RECQL5: variants seen among roughly 807,000 people sequenced by gnomAD.
The protein encoded by RECQL5 is ATP-dependent DNA helicase Q5.
Under a neutral mutation model 103.4 loss-of-function variants are expected in RECQL5, and 88 were observed. The ratio of observed to expected loss-of-function variants is 0.85; its 90% CI spans 0.72 to 1.02. The LOEUF (loss-of-function observed/expected upper bound fraction) is 1.02. RECQL5 is among the 50% of genes least tolerant of loss of function. The pLI is 0.00. For synonymous variants in RECQL5, 552 were observed against 507.9 expected (o/e 1.09, Z -1.17); for missense variants, 1,232 against 1,284.3 (o/e 0.96, Z 0.62).
intron 8 of RECQL5, chr17:75,634,228 G>A (rs996016231): frequency 3.0e-6 from 3 of 985,468 alleles, no homozygotes; most frequent in East Asian, 2.3e-4. Flanking sequence ...CACAGAAGAA[G>A]GGGGGACAGG....
chr17:75,658,753 G>A (rs184240747), intron 6 of RECQL5, among the ~76,000 whole-genome samples: 4 of 152,284 alleles, frequency 2.6e-5, no homozygotes, highest in Admixed American at 1.3e-4. Flanking sequence ...GAAACAAAAT[G>A]AGGCTCTGCC....
intron 8 of RECQL5, among the ~76,000 whole-genome samples, chr17:75,645,571 T>C (rs2059479111): frequency 6.6e-6 from 1 of 152,236 alleles, no homozygotes; most frequent in African/African-American, 2.4e-5. Context: ...TTGATAAGCA[T>C]CTGACTTAAC....
At position 75,667,049 on chromosome 17, in the gene RECQL5, C is replaced by T; in HGVS notation, c.-20G>A. ...CTCTCTTCACCCTAAGATATCAGAACCGGCCGTGGTCCGCCCAAGAATTAA... is the reference window on the plus strand; with the variant it reads ...CTCTCTTCACCCTAAGATATCAGAATCGGCCGTGGTCCGCCCAAGAATTAA... On this transcript the variant is annotated 5_prime_UTR_variant, in exon 1 of 20. Coordinates refer to ENST00000317905, the MANE Select transcript of RECQL5 (RefSeq NM_004259.7). 3.0e-6 allele frequency: 1 copy of T among 332,630 alleles called. No individual in the cohort carries two copies. Among genetic ancestry groups the T allele is most frequent in the South Asian group, 3.0e-5 (1 of 32,928 alleles). 20.6% of individuals were successfully genotyped at this position (332,630 alleles called of 1,614,324 possible).
intron 7 of RECQL5, among the ~76,000 whole-genome samples, chr17:75,655,675 T>A (rs747838598): frequency 4.0e-5 from 6 of 151,870 alleles, no homozygotes; most frequent in East Asian, 1.9e-4. Context: ...TTTTAATTTT[T>A]ATTTTTATTT....
At chr17:75,653,232 AC>A (rs1013269843) in intron 7 of RECQL5, among the ~76,000 whole-genome samples, 10 of 152,220 alleles carry the variant, frequency 6.6e-5, no homozygotes, top group Non-Finnish European at 1.3e-4. Flanking sequence ...AGACCTCTGC[AC>A]CCTTATCCAA....
In RECQL5 at chr17:75,631,212, T is replaced by G; in HGVS notation, c.1486A>C (p.Arg496=). The G allele has an allele frequency of 6.2e-7, 1 of 1,613,966 alleles. No homozygotes were observed. The highest frequency in any genetic ancestry group is 1.1e-5 in the South Asian group (1 of 91,092). Residue 496 remains arginine, a synonymous_variant, in exon 10 of 20, where the codon AGA becomes CGA. Transcript: ENST00000317905. Reference sequence around the variant, plus strand: ...CACTCCCGCTTGTGGGCCTCATCTCTGCCTTCATCCCCGCTGCCTCCAGAA... The same window carrying G: ...CACTCCCGCTTGTGGGCCTCATCTCGGCCTTCATCCCCGCTGCCTCCAGAA... ...EGSGGSGDEG[R]DEAHKREWNL... is the part of the protein sequence containing the mutation.
In RECQL5 at chr17:75,627,492, T is replaced by G. The variant is rs769855620; in HGVS notation, c.2906A>C (p.His969Pro). 1.2e-6 allele frequency: 2 copies of G among 1,613,830 alleles called. No homozygotes were observed. Among genetic ancestry groups the G allele is most frequent in the African/African-American group, 1.3e-5 (1 of 75,042 alleles). Reference sequence around the variant, plus strand: ...GCACCGGGCCCGGCCATGGAAGAAGTGCCTGATGAGGTTCTGGGCCTCTTC... The same window carrying G: ...GCACCGGGCCCGGCCATGGAAGAAGGGCCTGATGAGGTTCTGGGCCTCTTC... ...VKEEAQNLIR[H>P]FFHGRARCES... Residue 969 changes from histidine to proline, a missense_variant, in exon 20 of 20, where the codon CAC becomes CCC. His to Pro is a moderately conservative substitution (Grantham distance 77). Transcript: ENST00000317905.
At chr17:75,651,121 G>T (rs2059549937) in intron 8 of RECQL5, 65 bp downstream of exon 8, 1 of 1,613,274 alleles carries the variant, frequency 6.2e-7, no homozygotes, top group South Asian at 1.1e-5. Context: ...TGCTTAACTA[G>T]GGCGTGCCGG....
rs773790672 is a variant in RECQL5, at chr17:75,629,040, G to A, written c.2383C>T (p.Gln795Ter). ...TTCTCTGGGGCCATCGGGGGTCCCT[G>A]AACCCCCTCACAGGAGGGGCAGGCA... ...EGACPSCEGV[Q>*]GPPMAPEKYT... Residue 795 changes from glutamine (Q) to a stop codon, truncating the protein, a stop_gained, in exon 16 of 20, where the codon CAG becomes TAG. Coordinates refer to ENST00000317905, the MANE Select transcript of RECQL5 (RefSeq NM_004259.7). LOFTEE classifies it high-confidence loss of function. The A allele has an allele frequency of 5.0e-6, 8 of 1,594,568 alleles. No individual in the cohort carries two copies. The highest frequency in any genetic ancestry group is 3.5e-5 in the Admixed American group (2 of 56,798).
intron 8 of RECQL5, chr17:75,650,111 C>G (rs1724427143): frequency 1.0e-6 from 1 of 985,880 alleles, no homozygotes; most frequent in Non-Finnish European, 1.2e-6. Flanking sequence ...AATAAGAGCT[C>G]TGCTCAAGAA....
At chr17:75,650,378 G>A (rs141581755) in intron 8 of RECQL5, 93 of 1,179,532 alleles carry the variant, frequency 7.9e-5, no homozygotes, top group Admixed American at 2.7e-4. Context: ...TGATTTCCTC[G>A]CTTTTTTCTT....
At position 75,628,319 on chromosome 17, in the gene RECQL5, G is replaced by C. The variant is rs2059141258; in HGVS notation, c.2704C>G (p.Pro902Ala). ...ACGCCAGGAGCGGAGAGCTGGAAGG[G>C]GTCTTGAGCCGTGGGATTCAAGGTG... The part of the protein sequence containing the change: ...QGTLNPTAQD[P>A]FQLSAPGVSL... Residue 902 changes from proline to alanine, a missense_variant, in exon 18 of 20, where the codon CCC (proline) becomes GCC (alanine). Pro to Ala is a conservative substitution (Grantham distance 27). Transcript: ENST00000317905. The C allele has an allele frequency of 1.2e-6, 2 of 1,614,028 alleles. No individual in the cohort carries two copies. Among genetic ancestry groups the C allele is most frequent in the African/African-American group, 1.3e-5 (1 of 74,916 alleles).
At chr17:75,658,130 T>G (rs958389046) in intron 7 of RECQL5, among the ~76,000 whole-genome samples, 168 bp downstream of exon 7, 5 of 152,176 alleles carry the variant, frequency 3.3e-5, no homozygotes, top group Admixed American at 3.3e-4. Context: ...TAACCTAGCT[T>G]GTTGTAAGCT....
intron 8 of RECQL5, chr17:75,648,890 G>C (rs1347015639): frequency 6.7e-6 from 1 of 149,746 alleles, no homozygotes; most frequent in Non-Finnish European, 1.5e-5. Flanking sequence ...ACAGGGTCTT[G>C]CCATGTTGCC....
chr17:75,629,258 T>C lies in RECQL5; in HGVS notation c.2165A>G (p.His722Arg), dbSNP rs1401619920. ...PRGEVPGGSA[H>R]YGGPSPEKKA... The stretch of plus-strand genomic sequence containing the variant: ...CTTCTCAGGGGAGGGCCCCCCATAG[T>C]GAGCGCTGCCTCCAGGGACCTCCCC... Residue 722 changes from histidine to arginine, a missense_variant, in exon 16 of 20, where the codon CAC (histidine) becomes CGC (arginine). Physicochemically the swap from His to Arg is conservative, Grantham distance 29. Transcript: ENST00000317905. The C allele has an allele frequency of 4.3e-6, 7 of 1,610,896 alleles. No individual in the cohort carries two copies. The South Asian group carries it at 7.7e-5, about 18-fold the overall frequency.
rs2059213817 is a variant in RECQL5, at chr17:75,631,509, C to T, written c.1389G>A (p.Gly463=). 1 of 1,613,266 alleles carries T rather than the reference C, an allele frequency of 6.2e-7. No individual in the cohort carries two copies. Residue 463 remains glycine (G), a synonymous_variant, in exon 9 of 20, where the codon GGG becomes GGA. Transcript: ENST00000317905. ...CATACAGCTCGGGGTCAAAGCCGTT[C>T]CCCTGGGAGGGCCCGATGCAGGTCT... ...WSKTCIGPSQ[G]NGFDPELYEG... is the part of the protein sequence containing the mutation.
intron 8 of RECQL5, chr17:75,637,243 G>C (rs940992854): frequency 6.6e-6 from 1 of 152,460 alleles, no homozygotes; most frequent in Non-Finnish European, 1.5e-5. Context: ...TGTGGCACAA[G>C]CGAAAAAGCT....
chr17:75,649,584 G>A (rs2059529704), intron 8 of RECQL5: 2 of 970,750 alleles, frequency 2.1e-6, no homozygotes, highest in East Asian at 1.1e-4. Flanking sequence ...AGGCTGCTTC[G>A]ACCTCAGCCT....
chr17:75,664,082 G>C (rs886917608), intron 3 of RECQL5, among the ~76,000 whole-genome samples: 2 of 143,868 alleles, frequency 1.4e-5, no homozygotes, highest in Non-Finnish European at 3.1e-5. Flanking sequence ...AAGAAAGAAA[G>C]AAATTAATGT....
Sources: gnomAD v4.1 joint callset for allele counts (sites outside exome capture counted in the v4.1 genomes callset) on GRCh38, gnomAD v4.1.1 for gene constraint, MANE v1.5 for transcripts, NCBI Gene and HGNC (gene_info 2026-07-23, HGNC 2026-07-21) for gene names.